Variants in PKIB observed in about 807,000 individuals in gnomAD.
The protein encoded by PKIB is cAMP-dependent protein kinase inhibitor beta, also known as PKI-beta.
Under a neutral mutation model 4.5 loss-of-function variants are expected in PKIB, and 2 were observed. That is an observed-to-expected ratio of 0.44 (90% confidence interval 0.18 to 1.39). The LOEUF is 1.39. Among genes scored for constraint, PKIB ranks in the 40% most tolerant of loss-of-function variants. The pLI, the probability that PKIB is intolerant of heterozygous loss-of-function variation, is 0.27. For missense variants in PKIB, 94 were observed against 92.6 expected, an observed-to-expected ratio of 1.02 and a Z score of -0.06; for synonymous variants, 38 against 36.0, an observed-to-expected ratio of 1.06 and a Z score of -0.20.
At chr6:122,653,130 C>T (rs1256304827) in intron 2 of PKIB, among the ~76,000 whole-genome samples, 1 of 152,140 alleles carries the variant, frequency 6.6e-6, no homozygotes, top group Non-Finnish European at 1.5e-5. Context: ...TGGAAAGTTC[C>T]AGAAAACTGG....
intron 2 of PKIB, among the ~76,000 whole-genome samples, chr6:122,526,596 T>C (rs1407169393): frequency 6.6e-6 from 1 of 152,118 alleles, no homozygotes; most frequent in Non-Finnish European, 1.5e-5. Flanking sequence ...AAAATCTTTT[T>C]CTTTGATCAG....
chr6:122,475,470 A>G (rs1775428799), intron 1 of PKIB, among the ~76,000 whole-genome samples: 1 of 152,118 alleles, frequency 6.6e-6, no homozygotes, highest in Non-Finnish European at 1.5e-5. Context: ...CCTAGGCAAC[A>G]TAGTGAGACT....
chr6:122,661,456 C>T (rs1026498219), intron 2 of PKIB, among the ~76,000 whole-genome samples: 5 of 152,212 alleles, frequency 3.3e-5, no homozygotes, highest in African/African-American at 1.2e-4. Context: ...TTGAATCATA[C>T]AACATGTGGT....
At chr6:122,628,847 A>G (rs1049928567) in intron 1 of PKIB, among the ~76,000 whole-genome samples, 8 of 152,182 alleles carry the variant, frequency 5.3e-5, no homozygotes, top group Admixed American at 3.9e-4. Context: ...GCATGTGTTC[A>G]GTATGCTGAC....
At chr6:122,710,638 C>G (rs984802326) in intron 3 of PKIB, among the ~76,000 whole-genome samples, 2 of 152,146 alleles carry the variant, frequency 1.3e-5, no homozygotes, top group African/African-American at 4.8e-5. Flanking sequence ...ATTTTCTATC[C>G]TGGAATTAAG....
At chr6:122,610,338 C>A (rs1774696610), upstream of PKIB, 2 of 152,334 alleles carry the variant, frequency 1.3e-5, no homozygotes, top group African/African-American at 4.8e-5. Context: ...GGGGGCGGGA[C>A]GCGGCGGCCG....
chr6:122,721,802 CATATAT>C (rs35364615), intron 4 of PKIB, among the ~76,000 whole-genome samples: 7 of 149,048 alleles, frequency 4.7e-5, no homozygotes, highest in Non-Finnish European at 6.0e-5. Flanking sequence ...CATGTTACTA[CATATAT>C]ATATATATAT....
At chr6:122,631,381 T>G (rs1775695024) in intron 1 of PKIB, among the ~76,000 whole-genome samples, 1 of 152,222 alleles carries the variant, frequency 6.6e-6, no homozygotes, top group Admixed American at 6.5e-5. Context: ...TATATTACAG[T>G]GTAATTCCTT....
intron 2 of PKIB, among the ~76,000 whole-genome samples, chr6:122,641,298 A>G (rs1472395103): frequency 1.3e-5 from 2 of 152,180 alleles, no homozygotes; most frequent in African/African-American, 4.8e-5. Flanking sequence ...TTCACTTGGT[A>G]AATGAAACAC....
chr6:122,523,249 T>C (rs1776997441), intron 2 of PKIB, among the ~76,000 whole-genome samples: 1 of 152,212 alleles, frequency 6.6e-6, no homozygotes, highest in Admixed American at 6.5e-5. Context: ...ATTGAGATAA[T>C]CATGTTGTTT....
chr6:122,529,818 CCTTTATATGTGATGAATCT>C (rs1456506679), intron 2 of PKIB, among the ~76,000 whole-genome samples: 1 of 152,054 alleles, frequency 6.6e-6, no homozygotes, highest in Middle Eastern at 3.2e-3. Flanking sequence ...TATGGAAACT[CCTTTATATGTGATGAATCT>C]CTTTTTTCCT....
chr6:122,675,585 T>A lies in PKIB; in HGVS notation c.-9+441T>A, dbSNP rs544577595. ...ATGACCACTTTTGGTGAATTTTTTTTAAAAATCAAAACTAGGTCTCATAAT... is the reference window on the plus strand; with the variant it reads ...ATGACCACTTTTGGTGAATTTTTTTAAAAAATCAAAACTAGGTCTCATAAT... On this transcript the variant is annotated intron_variant, in intron 3 of 4. Transcript: ENST00000368452. 4.8e-3 allele frequency among the ~76,000 whole-genome samples: 733 copies of A among 152,216 alleles called. 5 individuals are homozygous for A. Among genetic ancestry groups the A allele is most frequent in the African/African-American group, 0.017 (686 of 41,544 alleles).
At position 122,562,000 on chromosome 6, in the gene PKIB, TTTTG is replaced by T. The variant is rs1488589502; in HGVS notation, c.-247-23917_-247-23914del. On this transcript the variant is annotated intron_variant, in intron 2 of 6. Transcript: ENST00000392491. Reference sequence around the variant, plus strand: ...TTTTTTTTTGTTTGTTTTTGTTTTTTTTTGTTTTTTTTTTTTTTTGCTTTTTAAC... The same window carrying T: ...TTTTTTTTTGTTTGTTTTTGTTTTTTTTTTTTTTTTTTTTTGCTTTTTAAC... Among the ~76,000 whole-genome samples the T allele has an allele frequency of 1.3e-3, 174 of 131,714 alleles. 6 individuals are homozygous for T. The highest frequency in any genetic ancestry group is 5.4e-3 in the African/African-American group (161 of 29,836). The allele number at this position is 131,714 out of a possible 152,430, so 86.4% of individuals were successfully genotyped here. A position where few individuals can be genotyped will look rare whatever the true frequency, so the allele number is the denominator to read the frequency against.
At chr6:122,611,127 C>G (rs896725870) in intron 1 of PKIB, among the ~76,000 whole-genome samples, 1 of 152,204 alleles carries the variant, frequency 6.6e-6, no homozygotes, top group Non-Finnish European at 1.5e-5. Flanking sequence ...CTCCTAGGAC[C>G]CCGGCAGGCC....
chr6:122,718,348 T>G (rs1443511726), intron 4 of PKIB, among the ~76,000 whole-genome samples: 1 of 152,176 alleles, frequency 6.6e-6, no homozygotes, highest in Non-Finnish European at 1.5e-5. Context: ...CTTTGGAAGC[T>G]TCTGCTTCAC....
intron 2 of PKIB, among the ~76,000 whole-genome samples, chr6:122,643,231 C>T (rs1311739023): frequency 6.6e-6 from 1 of 152,146 alleles, no homozygotes; most frequent in South Asian, 2.1e-4. Context: ...TTACCCCATG[C>T]AATTGTTTGA....
intron 4 of PKIB, among the ~76,000 whole-genome samples, chr6:122,722,884 A>T (rs746946979): frequency 4.6e-5 from 7 of 152,050 alleles, no homozygotes; most frequent in Non-Finnish European, 7.4e-5. Flanking sequence ...TAAGATTTTC[A>T]CCTCACCACA....
chr6:122,499,983 T>A (rs1776180954), intron 2 of PKIB, among the ~76,000 whole-genome samples: 2 of 151,998 alleles, frequency 1.3e-5, no homozygotes, highest in Admixed American at 1.3e-4. Flanking sequence ...TAAGAATACA[T>A]CTAACAAAGG....
chr6:122,475,121 C>T (rs563506073), intron 1 of PKIB, among the ~76,000 whole-genome samples: 11 of 152,250 alleles, frequency 7.2e-5, no homozygotes, highest in East Asian at 5.8e-4. Flanking sequence ...GCAACCTCCA[C>T]CTCCCAAATT....
Sources: gnomAD v4.1 joint callset for allele counts (sites outside exome capture counted in the v4.1 genomes callset) on GRCh38, gnomAD v4.1.1 for gene constraint, MANE v1.5 for transcripts, NCBI Gene and HGNC (gene_info 2026-07-23, HGNC 2026-07-21) for gene names.